The following PXDN variants were observed in gnomAD, a reference collection of about 807,000 sequenced individuals.
The protein encoded by PXDN is peroxidasin, also known as peroxidasin homolog.
PXDN carries 77 observed loss-of-function variants against 140.3 expected under a neutral mutation model. That is an observed-to-expected ratio of 0.55 (90% CI 0.46 to 0.66). The LOEUF (loss-of-function observed/expected upper bound fraction) is 0.66. Among genes scored for constraint, PXDN ranks in the 30% least tolerant of loss-of-function variants. The pLI is 0.00. For missense variants in PXDN, 1,838 were observed against 2,039.5 expected, an observed-to-expected ratio of 0.90 and a Z score of 1.90; for synonymous variants, 911 against 857.4, an observed-to-expected ratio of 1.06 and a Z score of -1.09.
At chr2:1,689,747 G>A (rs780604832) in intron 3 of PXDN, among the ~76,000 whole-genome samples, 13 of 149,968 alleles carry the variant, frequency 8.7e-5, no homozygotes, top group Non-Finnish European at 1.6e-4. Flanking sequence ...TCACACCACC[G>A]CACTCTAGCC....
intron 8 of PXDN, chr2:1,676,643 C>T (rs113489357): frequency 1.7e-5 from 8 of 482,988 alleles, no homozygotes; most frequent in African/African-American, 1.4e-4. Flanking sequence ...GCATGCTCTC[C>T]CTCCCTCCCA....
chr2:1,731,808 G>C (rs371632290), intron 1 of PXDN, among the ~76,000 whole-genome samples: 41 of 152,288 alleles, frequency 2.7e-4, no homozygotes, highest in African/African-American at 9.6e-4. Context: ...AACTCACACT[G>C]TTTTAAGGCA....
At position 1,648,053 on chromosome 2, in the gene PXDN, C is replaced by T; in HGVS notation, c.3608+119G>A. ...TGACCTTCATGGACTTGACCTTCATCTCACCTCTGCACGACACGAACAAAA... is the reference window on the plus strand; with the variant it reads ...TGACCTTCATGGACTTGACCTTCATTTCACCTCTGCACGACACGAACAAAA... On this transcript the variant is annotated intron_variant, in intron 17 of 22. Transcript: ENST00000252804. This position sits in a 1 kb window ranked among gnomAD's most constrained non-coding sequence, Gnocchi z 8.9. The T allele has an allele frequency of 7.3e-7, 1 of 1,372,122 alleles. No homozygotes were observed. The highest frequency in any genetic ancestry group is 2.3e-5 in the East Asian group (1 of 43,314). 85.0% of individuals were successfully genotyped at this position (1,372,122 alleles called of 1,614,324 possible).
intron 3 of PXDN, among the ~76,000 whole-genome samples, chr2:1,689,586 C>G (rs914027760): frequency 6.6e-6 from 1 of 152,110 alleles, no homozygotes; most frequent in Admixed American, 6.5e-5. Context: ...AGTTTGAGAT[C>G]AGCCTGACCA....
intron 14 of PXDN, among the ~76,000 whole-genome samples, chr2:1,657,270 C>T (rs1683165936): frequency 1.3e-5 from 2 of 151,018 alleles, no homozygotes; most frequent in Admixed American, 1.3e-4. Flanking sequence ...GGAACAGCCC[C>T]CTCCTGACTG....
chr2:1,731,498 C>T (rs774833046), intron 1 of PXDN, among the ~76,000 whole-genome samples: 3 of 152,140 alleles, frequency 2.0e-5, no homozygotes, highest in Non-Finnish European at 2.9e-5. Flanking sequence ...GTGACAGCTT[C>T]GAGGCCAGGG....
chr2:1,680,420 C>T, intron 6 of PXDN, 58 bp from the exon 7 acceptor site: 1 of 1,591,138 alleles, frequency 6.3e-7, no homozygotes, highest in South Asian at 1.1e-5. Flanking sequence ...GTCCATCCAT[C>T]CATCAGACAG....
chr2:1,704,550 C>T (rs1684540067), intron 1 of PXDN, among the ~76,000 whole-genome samples: 1 of 102,004 alleles, frequency 9.8e-6, no homozygotes, highest in Non-Finnish European at 1.8e-5. Context: ...GGGGGCAACT[C>T]CAGGTGAAGG....
intron 1 of PXDN, among the ~76,000 whole-genome samples, chr2:1,694,124 G>A (rs1048558881): frequency 2.0e-5 from 3 of 152,170 alleles, no homozygotes; most frequent in Non-Finnish European, 4.4e-5. Flanking sequence ...TTAATCATAG[G>A]TCCAATCTCT....
At chr2:1,697,197 G>A (rs1219000967) in intron 1 of PXDN, among the ~76,000 whole-genome samples, 1 of 152,166 alleles carries the variant, frequency 6.6e-6, no homozygotes, top group East Asian at 1.9e-4. Context: ...TGTTCTTCGG[G>A]AATGCTGAAG....
At chr2:1,721,502 C>G (rs1378382219) in intron 1 of PXDN, among the ~76,000 whole-genome samples, 3 of 152,216 alleles carry the variant, frequency 2.0e-5, no homozygotes, top group Middle Eastern at 3.2e-3. Flanking sequence ...TGACTCCAGG[C>G]TCTAGTGAAA....
chr2:1,684,993 A>G (rs899509030), intron 4 of PXDN, among the ~76,000 whole-genome samples: 1 of 152,342 alleles, frequency 6.6e-6, no homozygotes, highest in Non-Finnish European at 1.5e-5. Context: ...ATGAGCAAAG[A>G]AGCAGCATGC....
chr2:1,647,370 A>AG (rs1682872647), intron 17 of PXDN, among the ~76,000 whole-genome samples: 1 of 152,190 alleles, frequency 6.6e-6, no homozygotes, highest in African/African-American at 2.4e-5. Flanking sequence ...AGTCCTGGGA[A>AG]GGGGACTGGC....
At chr2:1,741,608 G>T (rs528891700) in intron 1 of PXDN, among the ~76,000 whole-genome samples, 3 of 152,258 alleles carry the variant, frequency 2.0e-5, no homozygotes, top group South Asian at 4.1e-4. Context: ...TGAGGGGAAG[G>T]AGCAATAAGA....
chr2:1,710,586 C>CCTCTCCACCAGCAACCA (rs1684732462), intron 1 of PXDN, among the ~76,000 whole-genome samples: 1 of 99,774 alleles, frequency 1.0e-5, no homozygotes, highest in African/African-American at 4.0e-5. Flanking sequence ...CCACTAGCAC[C>CCTCTCCACCAGCAACCA]CTCTCCACCA....
At chr2:1,713,286 C>T (rs1010644662) in intron 1 of PXDN, among the ~76,000 whole-genome samples, 10 of 152,134 alleles carry the variant, frequency 6.6e-5, no homozygotes, top group South Asian at 2.1e-4. Flanking sequence ...GATCAATTAC[C>T]ACAGAAGAAA....
chr2:1,693,100 G>T lies in PXDN; in HGVS notation c.235C>A (p.Pro79Thr). Residue 79 changes from proline to threonine, a missense_variant, in exon 2 of 23, where the codon CCT becomes ACT. By Grantham distance (38) the Pro-to-Thr change is conservative (BLOSUM62 -1). Coordinates refer to ENST00000252804, the MANE Select transcript of PXDN (RefSeq NM_012293.3). The stretch of plus-strand genomic sequence containing the variant: ...TTCCTCAGCCGCCTGAATGCCCCAG[G>T]TTGGATCTCTCTGATTCTGTTAAAG... ...LRFNRIREIQ[P>T]GAFRRLRNLN... is the part of the protein sequence containing the mutation. 6.4e-7 allele frequency: 1 copy of T among 1,559,304 alleles called. No homozygotes were observed. Among genetic ancestry groups the T allele is most frequent in the Non-Finnish European group, 8.7e-7 (1 of 1,149,872 alleles).
chr2:1,658,777 T>A (rs1486516957), intron 14 of PXDN, among the ~76,000 whole-genome samples: 1 of 108,544 alleles, frequency 9.2e-6, no homozygotes, highest in Admixed American at 1.1e-4. Context: ...GGGCTCATTC[T>A]GACCCCAGGA....
intron 1 of PXDN, among the ~76,000 whole-genome samples, chr2:1,700,298 G>C (rs1354378812): frequency 1.3e-5 from 2 of 152,060 alleles, no homozygotes; most frequent in Non-Finnish European, 1.5e-5. Context: ...CTGACCTCAG[G>C]TGATCTACCC....
Sources: gnomAD v4.1 joint callset for allele counts (sites outside exome capture counted in the v4.1 genomes callset) on GRCh38, gnomAD v4.1.1 for gene constraint, Gnocchi (gnomAD v3.1) non-coding constraint, MANE v1.5 for transcripts, NCBI Gene and HGNC (gene_info 2026-07-23, HGNC 2026-07-21) for gene names.